The following CBFB variants were observed in gnomAD, a reference collection of about 807,000 sequenced individuals.
The protein encoded by CBFB is CBF-beta.
Under a neutral mutation model 30.4 loss-of-function variants are expected in CBFB, and 9 were observed. The ratio of observed to expected loss-of-function variants is 0.30; its 90% CI spans 0.18 to 0.52. The LOEUF (loss-of-function observed/expected upper bound fraction) is 0.52. Among genes scored for constraint, CBFB ranks in the 20% least tolerant of loss-of-function variants. The pLI is 0.97. For synonymous variants in CBFB, 94 were observed against 84.0 expected (o/e 1.12, Z -0.65); for missense variants, 170 against 244.0 (o/e 0.70, Z 2.02).
At chr16:67,082,192 G>A (rs2145771291) in intron 4 of CBFB, 21 bp from the exon 5 acceptor site, 1 of 1,484,418 alleles carries the variant, frequency 6.7e-7, no homozygotes, top group Admixed American at 2.2e-5. Flanking sequence ...ATTAAAATAG[G>A]TATTTCATGT....
At chr16:67,071,502 A>G (rs1309868710) in intron 4 of CBFB, among the ~76,000 whole-genome samples, 2 of 152,230 alleles carry the variant, frequency 1.3e-5, no homozygotes, top group African/African-American at 4.8e-5. Flanking sequence ...CGGGGAACCA[A>G]ATTGGCTGGC....
intron 3 of CBFB, among the ~76,000 whole-genome samples, chr16:67,043,665 T>G (rs771535816): frequency 3.9e-5 from 6 of 152,238 alleles, no homozygotes; most frequent in Non-Finnish European, 8.8e-5. Context: ...TTCCTTAACA[T>G]GTAAATGAGG....
intron 3 of CBFB, among the ~76,000 whole-genome samples, chr16:67,057,400 A>G (rs964643601): frequency 2.0e-5 from 3 of 152,214 alleles, no homozygotes; most frequent in Non-Finnish European, 4.4e-5. Context: ...ATCCCCTGAG[A>G]ATGAACATTC....
At chr16:67,074,361 G>C (rs1961325289) in intron 4 of CBFB, among the ~76,000 whole-genome samples, 1 of 150,616 alleles carries the variant, frequency 6.6e-6, no homozygotes, top group Non-Finnish European at 1.5e-5. Context: ...ATGGATAGCA[G>C]TTTATAAAAT....
chr16:67,045,183 T>C (rs1174539945), intron 3 of CBFB, among the ~76,000 whole-genome samples: 1 of 152,148 alleles, frequency 6.6e-6, no homozygotes, highest in Non-Finnish European at 1.5e-5. Context: ...ATTTTAGTTA[T>C]TTTTCAATCT....
At chr16:67,046,566 C>T (rs912672583) in intron 3 of CBFB, among the ~76,000 whole-genome samples, 6 of 152,096 alleles carry the variant, frequency 3.9e-5, no homozygotes, top group South Asian at 2.1e-4. Context: ...TAGTACAGTT[C>T]ACCTATTTTA....
intron 4 of CBFB, among the ~76,000 whole-genome samples, chr16:67,076,320 G>A (rs1466252338): frequency 1.3e-5 from 2 of 152,090 alleles, no homozygotes; most frequent in African/African-American, 4.8e-5. Flanking sequence ...CTTGAGCCCA[G>A]GTGGTCAAGG....
intron 4 of CBFB, among the ~76,000 whole-genome samples, chr16:67,074,345 T>C (rs1961325131): frequency 6.6e-6 from 1 of 151,992 alleles, no homozygotes. Context: ...CAAAAATCAA[T>C]TTCAGATGGA....
intron 1 of CBFB, 36 bp from the exon 2 acceptor site, chr16:67,029,691 A>C (rs2145702696): frequency 6.5e-7 from 1 of 1,545,036 alleles, no homozygotes; most frequent in African/African-American, 1.4e-5. Flanking sequence ...GGCGCCGCGG[A>C]TTTGGCTCCT....
rs764698866 is a variant in CBFB, at chr16:67,067,010, C to T, written c.399+212C>T. 56 of 367,596 alleles carry T rather than the reference C, an allele frequency of 1.5e-4. 1 individual carries two copies. Among genetic ancestry groups the T allele is most frequent in the Non-Finnish European group, 2.4e-4 (47 of 197,242 alleles). The allele number at this position is 367,596 out of a possible 1,614,324, so 22.8% of individuals were successfully genotyped here. Reference sequence around the variant, plus strand: ...GCAGTTCTAAATTTCATGGGTTATTCGTATCTGCTCAGTGGGTGCTTCAAA... The same window carrying T: ...GCAGTTCTAAATTTCATGGGTTATTTGTATCTGCTCAGTGGGTGCTTCAAA... On this transcript the variant is annotated intron_variant, in intron 4 of 5. Coordinates refer to ENST00000412916, the MANE Select transcript of CBFB (RefSeq NM_022845.3).
chr16:67,082,230 A>G lies in CBFB; in HGVS notation c.417A>G (p.Ala139=), dbSNP rs769370459. 1 of 1,604,326 alleles carries G rather than the reference A, an allele frequency of 6.2e-7. No individual in the cohort carries two copies. The highest frequency in any genetic ancestry group is 2.2e-5 in the East Asian group (1 of 44,792). Residue 139 remains alanine (A), a synonymous_variant, in exon 5 of 6, where the codon GCA becomes GCG. Transcript: ENST00000412916. ...TCTGACAGCAGGAGGATGCATTAGC[A>G]CAACAGGCCTTTGAAGAGGCTCGGA... ...EERAQQEDAL[A]QQAFEEARRR...
chr16:67,084,165 C>CA (rs368748767), intron 5 of CBFB, among the ~76,000 whole-genome samples: 38,730 of 54,350 alleles, frequency 0.71, 15,778 homozygotes, highest in East Asian at 0.88. Flanking sequence ...GACCCTACCT[C>CA]AAAAAAAAAA....
At position 67,029,832 on chromosome 16, in the gene CBFB, GGC is replaced by G. The variant is rs1233680091; in HGVS notation, c.165+27_165+28del. On this transcript the variant is annotated intron_variant, in intron 2 of 5. Coordinates refer to ENST00000412916, the MANE Select transcript of CBFB (RefSeq NM_022845.3). ...GGAAATCGTAAGTCGGCTGGCCCGG[GGC>G]GCGCGCGGGTCACTTGTTGCGCGGG... 5.1e-6 allele frequency: 8 copies of G among 1,562,680 alleles called. No individual in the cohort carries two copies. Among genetic ancestry groups the G allele is most frequent in the Non-Finnish European group, 6.9e-6 (8 of 1,153,770 alleles).
At chr16:67,044,386 CTT>C (rs1258748516) in intron 3 of CBFB, among the ~76,000 whole-genome samples, 2 of 151,992 alleles carry the variant, frequency 1.3e-5, no homozygotes, top group African/African-American at 2.4e-5. Context: ...AGAGGTTAAA[CTT>C]TTCTATGGTT....
intron 2 of CBFB, among the ~76,000 whole-genome samples, chr16:67,030,821 TGACCTCAAGTGATCCGCCCTCCTC>T: frequency 6.6e-6 from 1 of 152,308 alleles, no homozygotes; most frequent in East Asian, 1.9e-4. Flanking sequence ...GCTGGCCTCC[TGACCTCAAGTGATCCGCCCTCCTC>T]GACCTCCCAG....
At chr16:67,065,628 T>C (rs1043790472) in intron 3 of CBFB, among the ~76,000 whole-genome samples, 7 of 152,228 alleles carry the variant, frequency 4.6e-5, no homozygotes, top group African/African-American at 1.7e-4. Context: ...TCCTCACACC[T>C]TGGCCTCCCA....
At chr16:67,055,998 C>A (rs1451481317) in intron 3 of CBFB, among the ~76,000 whole-genome samples, 1 of 152,174 alleles carries the variant, frequency 6.6e-6, no homozygotes, top group Non-Finnish European at 1.5e-5. Context: ...GTGCCTATGG[C>A]CATCCCAGTA....
At chr16:67,093,366 A>AG (rs1961952927) in intron 5 of CBFB, 2 of 136,890 alleles carry the variant, frequency 1.5e-5, no homozygotes, top group Non-Finnish European at 1.6e-5. Flanking sequence ...AGTTTTCAGC[A>AG]GGTTTTTTTT....
intron 5 of CBFB, among the ~76,000 whole-genome samples, chr16:67,096,442 A>G (rs1962047648): frequency 6.6e-6 from 1 of 151,988 alleles, no homozygotes; most frequent in South Asian, 2.1e-4. Flanking sequence ...ACCACATATT[A>G]GAACTTGTGA....
Sources: allele counts gnomAD v4.1 joint callset (sites outside exome capture counted in the v4.1 genomes callset), GRCh38; gene constraint gnomAD v4.1.1; transcripts MANE v1.5; gene names NCBI Gene and HGNC (gene_info 2026-07-23, HGNC 2026-07-21).